CISD1: variants seen among roughly 807,000 people sequenced by gnomAD.
The protein encoded by CISD1 is CDGSH iron-sulfur domain-containing protein 1.
A neutral mutation model predicts 12.0 loss-of-function variants in CISD1; 8 were observed. The ratio of observed to expected loss-of-function variants is 0.67; its 90% CI spans 0.39 to 1.20. The LOEUF is 1.20. Ranked by LOEUF, CISD1 falls within the 50% of genes most tolerant of loss-of-function variation. CISD1 has a pLI of 0.01. For synonymous variants in CISD1, 38 were observed against 42.2 expected (o/e 0.90, Z 0.39); for missense variants, 107 against 132.7 (o/e 0.81, Z 0.95).
rs1839449477 is a variant in CISD1 at position 58,288,092 on chromosome 10, A to G, written c.*442A>G. On this transcript the variant is annotated 3_prime_UTR_variant, in exon 3 of 3. Transcript: ENST00000333926. ...TGTGATTCAGCTACATTAATTTCTT[A>G]ATACAATCTAGGAAAGACCTGTTGT... 6.5e-6 allele frequency: 1 copy of G among 152,792 alleles called. No individual in the cohort carries two copies. The highest frequency in any genetic ancestry group is 2.4e-5 in the African/African-American group (1 of 41,486). 9.5% of individuals were successfully genotyped at this position (152,792 alleles called of 1,614,324 possible).
intron 1 of CISD1, among the ~76,000 whole-genome samples, chr10:58,271,825 G>A (rs1442884668): frequency 1.3e-5 from 2 of 152,174 alleles, no homozygotes; most frequent in African/African-American, 4.8e-5. Context: ...ATGAATGATT[G>A]GAACTGAAAT....
Position 58,283,509 on chromosome 10 carries a change from G to A in CISD1, c.238-4052G>A, listed in dbSNP as rs114240189. Among the ~76,000 whole-genome samples, 1,148 of 152,292 alleles carry A rather than the reference G, an allele frequency of 7.5e-3. 16 individuals are homozygous for A. Among genetic ancestry groups the A allele is most frequent in the African/African-American group, 0.024 (993 of 41,550 alleles). ...GGTGCCAGGCAACTTCCTTGGGACAGAAAATCAAAACTCTAATACAAAGTA... is the reference window on the plus strand; with the variant it reads ...GGTGCCAGGCAACTTCCTTGGGACAAAAAATCAAAACTCTAATACAAAGTA... On this transcript the variant is annotated intron_variant, in intron 2 of 2. Coordinates refer to ENST00000333926, the MANE Select transcript of CISD1 (RefSeq NM_018464.5).
Position 58,289,137 on chromosome 10 carries a change from T to C in CISD1, c.*1487T>C, listed in dbSNP as rs1007628704. ...CTACAAACTGATTCTATTAGATTCT[T>C]AGGGTAAATTTTTTCTTTGCCCACC... On this transcript the variant is annotated 3_prime_UTR_variant, in exon 3 of 3. Transcript: ENST00000333926. The C allele has an allele frequency of 1.3e-5, 2 of 152,190 alleles. No individual in the cohort carries two copies. The highest frequency in any genetic ancestry group is 4.8e-5 in the African/African-American group (2 of 41,440). 9.4% of individuals were successfully genotyped at this position (152,190 alleles called of 1,614,324 possible). A position where few individuals can be genotyped will look rare whatever the true frequency, so the allele number is the denominator to read the frequency against.
intron 1 of CISD1, among the ~76,000 whole-genome samples, chr10:58,272,343 T>G (rs1839259451): frequency 6.6e-6 from 1 of 152,088 alleles, no homozygotes; most frequent in Admixed American, 6.5e-5. Flanking sequence ...TAGGGATTTG[T>G]CTGTTCATCT....
chr10:58,283,662 T>G (rs954558444), intron 2 of CISD1, among the ~76,000 whole-genome samples: 1 of 152,224 alleles, frequency 6.6e-6, no homozygotes, highest in Non-Finnish European at 1.5e-5. Context: ...AGAAATGTTG[T>G]GTTTTTATGA....
intron 1 of CISD1, among the ~76,000 whole-genome samples, chr10:58,270,826 G>A (rs1839238006): frequency 6.6e-6 from 1 of 152,146 alleles, no homozygotes; most frequent in African/African-American, 2.4e-5. Flanking sequence ...CACTGAAGCA[G>A]GTTATTGGCT....
chr10:58,287,485 GCAT>G, intron 2 of CISD1, 73 bp from the exon 3 acceptor site: 1 of 978,344 alleles, frequency 1.0e-6, no homozygotes, highest in Non-Finnish European at 1.5e-6. Flanking sequence ...TATGAATTAA[GCAT>G]CACCTTCCAC....
chr10:58,277,052 T>A, intron 1 of CISD1, 65 bp from the exon 2 acceptor site: 1 of 1,146,922 alleles, frequency 8.7e-7, no homozygotes, highest in South Asian at 1.5e-5. Context: ...TTTTCTGACA[T>A]GCATGTGATA....
intron 1 of CISD1, among the ~76,000 whole-genome samples, chr10:58,273,019 CTG>C: frequency 6.6e-6 from 1 of 152,226 alleles, no homozygotes; most frequent in East Asian, 1.9e-4. Flanking sequence ...ATAGTATTCC[CTG>C]TGTGTGTCTG....
At chr10:58,271,041 C>CTTTTTT (rs752640135) in intron 1 of CISD1, among the ~76,000 whole-genome samples, 76 of 112,644 alleles carry the variant, frequency 6.7e-4, no homozygotes, top group Admixed American at 9.7e-4. Context: ...GTTGCCATGA[C>CTTTTTT]TATTTTTTTT....
chr10:58,271,059 A>G (rs1220250348), intron 1 of CISD1, among the ~76,000 whole-genome samples: 1 of 73,994 alleles, frequency 1.4e-5, no homozygotes, highest in African/African-American at 1.3e-4. Flanking sequence ...TTTTTTTTTG[A>G]GGCGGAGTCT....
intron 2 of CISD1, among the ~76,000 whole-genome samples, chr10:58,285,137 T>C (rs1333969436): frequency 8.5e-5 from 13 of 152,184 alleles, no homozygotes; most frequent in African/African-American, 3.1e-4. Context: ...CCACATCTTA[T>C]TGACCTCAAA....
chr10:58,272,337 G>A (rs1247116816), intron 1 of CISD1, among the ~76,000 whole-genome samples: 3 of 151,358 alleles, frequency 2.0e-5, no homozygotes, highest in African/African-American at 4.9e-5. Flanking sequence ...GCAACATAGG[G>A]ATTTGTCTGT....
chr10:58,278,785 C>T (rs1158918225), intron 2 of CISD1, among the ~76,000 whole-genome samples: 4 of 152,106 alleles, frequency 2.6e-5, no homozygotes, highest in African/African-American at 7.2e-5. Context: ...TGAACACTGA[C>T]ATGACACCAC....
intron 2 of CISD1, among the ~76,000 whole-genome samples, chr10:58,287,296 G>GT (rs1161485248): frequency 1.3e-5 from 2 of 152,116 alleles, no homozygotes; most frequent in Non-Finnish European, 2.9e-5. Context: ...AGAAAGGAAT[G>GT]TAACTAATAT....
chr10:58,278,790 C>T (rs1839343008), intron 2 of CISD1, among the ~76,000 whole-genome samples: 1 of 152,106 alleles, frequency 6.6e-6, no homozygotes, highest in Admixed American at 6.5e-5. Flanking sequence ...ACTGACATGA[C>T]ACCACAAGTG....
At chr10:58,285,011 G>T (rs1234171831) in intron 2 of CISD1, among the ~76,000 whole-genome samples, 1 of 152,062 alleles carries the variant, frequency 6.6e-6, no homozygotes, top group Non-Finnish European at 1.5e-5. Flanking sequence ...TTTGCTGTGG[G>T]ATACATTTTA....
At chr10:58,274,585 T>C (rs953730957) in intron 1 of CISD1, among the ~76,000 whole-genome samples, 1 of 151,694 alleles carries the variant, frequency 6.6e-6, no homozygotes, top group African/African-American at 2.4e-5. Flanking sequence ...TACAAAGCTA[T>C]TTTCCTCGAA....
chr10:58,272,155 G>C (rs1271660103), intron 1 of CISD1, among the ~76,000 whole-genome samples: 1 of 149,918 alleles, frequency 6.7e-6, no homozygotes, highest in Non-Finnish European at 1.5e-5. Flanking sequence ...GATATCTGTT[G>C]TTCGTAAATA....
Sources: allele counts gnomAD v4.1 joint callset (sites outside exome capture counted in the v4.1 genomes callset), GRCh38; gene constraint gnomAD v4.1.1; transcripts MANE v1.5; gene names NCBI Gene and HGNC (gene_info 2026-07-23, HGNC 2026-07-21).